Variants in IRAK2 observed in about 807,000 individuals in gnomAD.
IRAK2 encodes interleukin-1 receptor-associated kinase-like 2.
A neutral mutation model predicts 72.0 loss-of-function variants in IRAK2; 57 were observed. That is an observed-to-expected ratio of 0.79 (90% confidence interval 0.64 to 0.99). The LOEUF (loss-of-function observed/expected upper bound fraction) is 0.99. Among genes scored for constraint, IRAK2 ranks in the 50% least tolerant of loss-of-function variants. IRAK2 has a pLI of 0.00. For synonymous variants in IRAK2, 293 were observed against 312.7 expected, an observed-to-expected ratio of 0.94 and a Z score of 0.67; for missense variants, 790 against 794.4, an observed-to-expected ratio of 0.99 and a Z score of 0.07.
chr3:10,177,258 A>AC (rs1696891050), intron 1 of IRAK2, among the ~76,000 whole-genome samples: 1 of 152,126 alleles, frequency 6.6e-6, no homozygotes, highest in African/African-American at 2.4e-5. Flanking sequence ...AGTTCCCCTG[A>AC]CCAGGACTGG....
chr3:10,203,516 AG>A (rs1311333534), intron 3 of IRAK2, among the ~76,000 whole-genome samples: 2 of 152,230 alleles, frequency 1.3e-5, no homozygotes, highest in African/African-American at 4.8e-5. Context: ...ATTATCTTAA[AG>A]GATTTTGGTA....
chr3:10,193,852 C>T (rs764397894), intron 2 of IRAK2, among the ~76,000 whole-genome samples: 2 of 152,264 alleles, frequency 1.3e-5, no homozygotes, highest in Non-Finnish European at 1.5e-5. Context: ...TGCTGGGCTC[C>T]TATGTTACTT....
intron 1 of IRAK2, among the ~76,000 whole-genome samples, chr3:10,175,351 T>A (rs1012807568): frequency 4.6e-5 from 7 of 152,108 alleles, no homozygotes; most frequent in Admixed American, 4.6e-4. Flanking sequence ...AGTATCGAAC[T>A]CCTGACCTCA....
Position 10,226,346 on chromosome 3 carries a change from C to A in IRAK2, c.1210-25C>A, listed in dbSNP as rs887254069. 1.9e-6 allele frequency: 3 copies of A among 1,605,352 alleles called. No homozygotes were observed. The South Asian group carries it at 3.3e-5, about 18-fold the overall frequency. On this transcript the variant is annotated intron_variant, in intron 9 of 12. Coordinates refer to ENST00000256458, the MANE Select transcript of IRAK2 (RefSeq NM_001570.4). ...TGTGTGCACGAGCGTCTGAACCATG[C>A]TAACTCACGTTCTGTTCTCTCCAGG...
chr3:10,215,609 C>T (rs1376015758), intron 6 of IRAK2, among the ~76,000 whole-genome samples: 1 of 151,988 alleles, frequency 6.6e-6, no homozygotes, highest in Non-Finnish European at 1.5e-5. Context: ...TGGTTTTGAA[C>T]TCCCTGGCTC....
At position 10,242,459 on chromosome 3, in the gene IRAK2, C is replaced by G. The variant is rs2125167670; in HGVS notation, c.*231C>G. 3.0e-6 allele frequency: 1 copy of G among 332,204 alleles called. No homozygotes were observed. The highest frequency in any genetic ancestry group is 5.3e-5 in the South Asian group (1 of 18,776). 20.6% of individuals were successfully genotyped at this position (332,204 alleles called of 1,614,324 possible). A position where few individuals can be genotyped will look rare whatever the true frequency, so the allele number is the denominator to read the frequency against. On this transcript the variant is annotated 3_prime_UTR_variant, in exon 13 of 13. Transcript: ENST00000256458. ...CTCTTCCTTTCTGGGCTTTGTTAGT[C>G]AGAGCAGGGGATCAGAGGAGACTGA...
chr3:10,219,473 C>G (rs1348699132), intron 7 of IRAK2, among the ~76,000 whole-genome samples: 2 of 152,044 alleles, frequency 1.3e-5, no homozygotes, highest in Non-Finnish European at 2.9e-5. Context: ...CAGCCGCCAC[C>G]AGGACCGGCT....
Position 10,216,941 on chromosome 3 carries a change from C to T in IRAK2, c.796C>T (p.His266Tyr), listed in dbSNP as rs985091879. The change falls in exon 7 of 13, where the codon CAC becomes TAC. Residue 266 changes from histidine to tyrosine, a missense_variant. His to Tyr is a moderately conservative substitution (Grantham distance 83, BLOSUM62 2). Transcript: ENST00000256458. Reference protein sequence around the residue: ...AELQICLRCCHPNVLPVLGFC... With the variant: ...AELQICLRCCYPNVLPVLGFC... ...ACTGACGCCCGATTCCAGATGCTGC[C>T]ACCCCAATGTCTTACCTGTGCTGGG... is the stretch of plus-strand genomic sequence containing the variant. 2.2e-5 allele frequency: 36 copies of T among 1,613,582 alleles called. No homozygotes were observed. Among genetic ancestry groups the T allele is most frequent in the Non-Finnish European group, 3.1e-5 (36 of 1,179,610 alleles).
chr3:10,192,854 AGTT>A (rs1207611536), intron 2 of IRAK2, among the ~76,000 whole-genome samples: 1 of 152,136 alleles, frequency 6.6e-6, no homozygotes, highest in Non-Finnish European at 1.5e-5. Context: ...AGGAGGCAGA[AGTT>A]GTAATGAGCA....
intron 2 of IRAK2, among the ~76,000 whole-genome samples, chr3:10,198,847 C>T (rs1374960860): frequency 6.6e-6 from 1 of 152,108 alleles, no homozygotes; most frequent in African/African-American, 2.4e-5. Context: ...ATGTCATGCT[C>T]TGTGTGACAT....
At chr3:10,237,565 T>C (rs1449132166) in intron 11 of IRAK2, among the ~76,000 whole-genome samples, 1 of 152,084 alleles carries the variant, frequency 6.6e-6, no homozygotes, top group Non-Finnish European at 1.5e-5. Context: ...CTCAGCACTT[T>C]GGGAGGCCGA....
intron 12 of IRAK2, among the ~76,000 whole-genome samples, chr3:10,240,147 C>CA (rs34730585): frequency 0.68 from 90,187 of 132,474 alleles, 30,495 homozygotes; most frequent in East Asian, 0.99. Context: ...GACTCCGTCT[C>CA]AAAAAAAAAA....
Position 10,243,525 on chromosome 3 carries a change from C to G in IRAK2, c.*1297C>G, listed in dbSNP as rs1253901270. The G allele has an allele frequency of 6.6e-6, 1 of 152,564 alleles. No homozygotes were observed. Among genetic ancestry groups the G allele is most frequent in the East Asian group, 1.9e-4 (1 of 5,204 alleles). The allele number at this position is 152,564 out of a possible 1,614,324, so 9.5% of individuals were successfully genotyped here. ...AGATGAGACAGTGGCTATAGAAGCA[C>G]TTGGAAAATGCACTTGTCCTGTTTT... On this transcript the variant is annotated 3_prime_UTR_variant, in exon 13 of 13. Coordinates refer to ENST00000256458, the MANE Select transcript of IRAK2 (RefSeq NM_001570.4).
chr3:10,169,250 A>G (rs867687875), intron 1 of IRAK2, among the ~76,000 whole-genome samples: 3 of 152,168 alleles, frequency 2.0e-5, no homozygotes, highest in African/African-American at 7.2e-5. Flanking sequence ...CTGGGCACGC[A>G]TTGTCTTGAT....
Position 10,222,844 on chromosome 3 carries a change from T to A in IRAK2, c.1209+13T>A, listed in dbSNP as rs1158453848. Reference sequence around the variant, plus strand: ...CAGCTGTGGAATAGTAAGAGTGTCCTGCTCTGCGTAGAGTGGGGCCCACCT... The same window carrying A: ...CAGCTGTGGAATAGTAAGAGTGTCCAGCTCTGCGTAGAGTGGGGCCCACCT... On this transcript the variant is annotated intron_variant, in intron 9 of 12. Coordinates refer to ENST00000256458, the MANE Select transcript of IRAK2 (RefSeq NM_001570.4). The A allele has an allele frequency of 6.2e-7, 1 of 1,610,520 alleles. No individual in the cohort carries two copies. The highest frequency in any genetic ancestry group is 2.2e-5 in the East Asian group (1 of 44,870).
intron 2 of IRAK2, among the ~76,000 whole-genome samples, chr3:10,197,294 A>G (rs189864101): frequency 0.01 from 1,544 of 151,738 alleles, 15 homozygotes; most frequent in Non-Finnish European, 0.017. Context: ...CTGAGGCAGG[A>G]GAATCGCTTG....
chr3:10,165,340 G>A (rs891866620), intron 1 of IRAK2, among the ~76,000 whole-genome samples: 2 of 152,120 alleles, frequency 1.3e-5, no homozygotes, highest in Non-Finnish European at 2.9e-5. Flanking sequence ...GCTCGGTGAC[G>A]TCCCCAGGTG....
intron 3 of IRAK2, among the ~76,000 whole-genome samples, chr3:10,208,837 G>A (rs1482115791): frequency 6.6e-6 from 1 of 151,876 alleles, no homozygotes; most frequent in Non-Finnish European, 1.5e-5. Flanking sequence ...TCAAACTCCT[G>A]GGCTGAAGCA....
chr3:10,176,105 A>G (rs1696872032), intron 1 of IRAK2, among the ~76,000 whole-genome samples: 1 of 139,102 alleles, frequency 7.2e-6, no homozygotes, highest in African/African-American at 2.7e-5. Flanking sequence ...ACAACCATCA[A>G]TTTTATGGTA....
Sources: allele counts gnomAD v4.1 joint callset (sites outside exome capture counted in the v4.1 genomes callset), GRCh38; gene constraint gnomAD v4.1.1; transcripts MANE v1.5; gene names NCBI Gene and HGNC (gene_info 2026-07-23, HGNC 2026-07-21).